Variants in CPNE4 observed in about 807,000 individuals in gnomAD.
CPNE4 encodes copine-4.
Under a neutral mutation model 67.9 loss-of-function variants are expected in CPNE4, and 25 were observed. The ratio of observed to expected loss-of-function variants is 0.37; its 90% CI spans 0.27 to 0.51. The LOEUF (loss-of-function observed/expected upper bound fraction) is 0.51. Ranked by LOEUF, CPNE4 falls within the 20% of genes least tolerant of loss-of-function variation. The pLI is 0.93. For missense variants in CPNE4, 464 were observed against 690.8 expected (o/e 0.67, Z 3.68); for synonymous variants, 242 against 244.9 (o/e 0.99, Z 0.11).
At chr3:131,569,525 C>T (rs1207705831) in intron 10 of CPNE4, among the ~76,000 whole-genome samples, 1 of 151,696 alleles carries the variant, frequency 6.6e-6, no homozygotes, top group Non-Finnish European at 1.5e-5. Context: ...GTAGTCCCAG[C>T]TACTCAGGAG....
intron 2 of CPNE4, among the ~76,000 whole-genome samples, chr3:131,897,032 C>G (rs1294926623): frequency 1.3e-5 from 2 of 152,030 alleles, no homozygotes; most frequent in Non-Finnish European, 2.9e-5. Context: ...ATACCACGTA[C>G]TCCAGATTAA....
chr3:131,792,684 C>CGTGT (rs1198421867), intron 2 of CPNE4, among the ~76,000 whole-genome samples: 5 of 45,992 alleles, frequency 1.1e-4, no homozygotes, highest in Non-Finnish European at 1.6e-4. Flanking sequence ...TATATACACA[C>CGTGT]GTGTATATAT....
At chr3:131,785,671 T>TTCTCTCTTTCTCTCTC (rs1420982427) in intron 2 of CPNE4, among the ~76,000 whole-genome samples, 1 of 142,744 alleles carries the variant, frequency 7.0e-6, no homozygotes, top group African/African-American at 2.7e-5. Flanking sequence ...CTTTCTCTCT[T>TTCTCTCTTTCTCTCTC]TCTCTCTCTC....
At chr3:131,579,088 A>G (rs1416048563) in intron 9 of CPNE4, among the ~76,000 whole-genome samples, 2 of 152,212 alleles carry the variant, frequency 1.3e-5, no homozygotes, top group African/African-American at 4.8e-5. Context: ...TCAAATCTTC[A>G]AAGGGCAGGC....
At chr3:131,655,649 TC>T (rs2079937566) in intron 7 of CPNE4, among the ~76,000 whole-genome samples, 1 of 151,934 alleles carries the variant, frequency 6.6e-6, no homozygotes, top group Non-Finnish European at 1.5e-5. Context: ...GAAACCGACG[TC>T]GGGGGGCAGG....
At chr3:132,019,181 C>T (rs554298884) in intron 1 of CPNE4, among the ~76,000 whole-genome samples, 103 of 152,074 alleles carry the variant, frequency 6.8e-4, no homozygotes, top group African/African-American at 2.2e-3. Context: ...CTGAAGTTCT[C>T]AAAGCCAGGA....
At chr3:131,690,197 T>C (rs991705375) in intron 5 of CPNE4, among the ~76,000 whole-genome samples, 1 of 152,090 alleles carries the variant, frequency 6.6e-6, no homozygotes, top group East Asian at 1.9e-4. Context: ...TATTGTAAAA[T>C]TCATATGGAA....
At chr3:131,942,455 TGTGTGTGTGA>T (rs1240480144) in intron 1 of CPNE4, among the ~76,000 whole-genome samples, 10 of 62,326 alleles carry the variant, frequency 1.6e-4, no homozygotes, top group African/African-American at 4.3e-4. Context: ...TGTGTGTGTG[TGTGTGTGTGA>T]GAGAGAGAGA....
intron 5 of CPNE4, among the ~76,000 whole-genome samples, chr3:131,690,765 C>G (rs2081016065): frequency 1.3e-5 from 2 of 151,372 alleles, no homozygotes; most frequent in Admixed American, 1.3e-4. Context: ...AAACAAGTGG[C>G]TGATAGAGTG....
chr3:131,951,811 A>G (rs932721210), intron 1 of CPNE4, among the ~76,000 whole-genome samples: 9 of 152,282 alleles, frequency 5.9e-5, no homozygotes, highest in African/African-American at 2.2e-4. Context: ...GTGATCCGCC[A>G]GCCTCGGCCT....
intron 7 of CPNE4, among the ~76,000 whole-genome samples, chr3:131,654,344 C>A (rs1293881036): frequency 6.6e-6 from 1 of 151,888 alleles, no homozygotes; most frequent in African/African-American, 2.4e-5. Context: ...ATTGTTTTGT[C>A]ACCCAGGTAC....
At chr3:131,660,501 G>A (rs1479308830) in intron 7 of CPNE4, among the ~76,000 whole-genome samples, 1 of 152,068 alleles carries the variant, frequency 6.6e-6, no homozygotes, top group Non-Finnish European at 1.5e-5. Flanking sequence ...GGAGAGGTTG[G>A]GAAAGAATTG....
intron 2 of CPNE4, among the ~76,000 whole-genome samples, chr3:131,754,581 C>T (rs1007972497): frequency 1.3e-5 from 2 of 152,102 alleles, no homozygotes; most frequent in Non-Finnish European, 2.9e-5. Context: ...GGAATAGATT[C>T]TGATTCTTTG....
chr3:131,642,443 GTTA>G (rs1013484351), intron 7 of CPNE4, among the ~76,000 whole-genome samples: 3 of 152,122 alleles, frequency 2.0e-5, no homozygotes, highest in African/African-American at 7.2e-5. Context: ...ACCTTGAAAA[GTTA>G]TTATCTTACC....
chr3:132,021,835 C>T (rs1388820377), intron 1 of CPNE4, among the ~76,000 whole-genome samples: 1 of 152,114 alleles, frequency 6.6e-6, no homozygotes, highest in African/African-American at 2.4e-5. Flanking sequence ...AACTTTGTAA[C>T]CACCTATTGG....
intron 2 of CPNE4, among the ~76,000 whole-genome samples, chr3:131,847,264 G>C (rs183223214): frequency 6.1e-4 from 93 of 152,204 alleles, no homozygotes; most frequent in African/African-American, 1.8e-3. Context: ...TGCCCACTAA[G>C]TATCAGCTTT....
intron 2 of CPNE4, among the ~76,000 whole-genome samples, chr3:131,783,473 C>T (rs2083476552): frequency 6.6e-6 from 1 of 152,054 alleles, no homozygotes; most frequent in South Asian, 2.1e-4. Context: ...TAAAGTAGAG[C>T]TTTTTCTCTG....
intron 1 of CPNE4, among the ~76,000 whole-genome samples, chr3:132,006,663 T>TTTC (rs1208027831): frequency 1.3e-5 from 2 of 149,150 alleles, no homozygotes; most frequent in Non-Finnish European, 3.0e-5. Context: ...CCATTTTTTT[T>TTTC]TGTTGTTGTT....
chr3:131,990,108 C>T (rs2107648827), intron 1 of CPNE4, among the ~76,000 whole-genome samples: 1 of 136,662 alleles, frequency 7.3e-6, no homozygotes, highest in East Asian at 2.3e-4. Context: ...ACAGAAGAGA[C>T]ATTTAAAATA....
Sources: gnomAD v4.1 joint callset for allele counts (sites outside exome capture counted in the v4.1 genomes callset) on GRCh38, gnomAD v4.1.1 for gene constraint, MANE v1.5 for transcripts, NCBI Gene and HGNC (gene_info 2026-07-23, HGNC 2026-07-21) for gene names.